Variants in MPHOSPH6 observed in about 807,000 individuals in gnomAD.
The protein encoded by MPHOSPH6 is M-phase phosphoprotein 6.
In MPHOSPH6, 25 loss-of-function variants were observed where a neutral mutation model predicts 21.8. The ratio of observed to expected loss-of-function variants is 1.15; its 90% CI spans 0.83 to 1.60. The LOEUF (loss-of-function observed/expected upper bound fraction) is 1.60. MPHOSPH6 is among the 40% of genes most tolerant of loss of function. The probability of loss-of-function intolerance (pLI) is 0.00; values close to 1 mark genes in which losing one functional copy is unlikely to be tolerated. For synonymous variants in MPHOSPH6, 84 were observed against 56.5 expected (o/e 1.49, Z -2.18); for missense variants, 269 against 181.8 (o/e 1.48, Z -2.76).
At chr16:82,159,566 G>A (rs59938876) in intron 2 of MPHOSPH6, among the ~76,000 whole-genome samples, 2,350 of 152,124 alleles carry the variant, frequency 0.015, 49 homozygotes, top group African/African-American at 0.054. Flanking sequence ...CATCATGCCT[G>A]GCTAATTTTT....
chr16:82,166,309 A>C (rs1451293736), intron 1 of MPHOSPH6, among the ~76,000 whole-genome samples: 1 of 152,230 alleles, frequency 6.6e-6, no homozygotes, highest in Admixed American at 6.5e-5. Flanking sequence ...TCATCCCAGG[A>C]AAGAACTGCA....
At position 82,148,753 on chromosome 16, in the gene MPHOSPH6, ATCT is replaced by A. The variant is rs1906163794; in HGVS notation, c.458_460del (p.Lys153del). On this transcript the variant is annotated inframe_deletion, in exon 5 of 5. Transcript: ENST00000258169. ...ATCTTAATCCTGGGGCTTTAAGAACATCTTCTTTGCTTTAATTGGTGTTATGTC... is the reference window on the plus strand; with the variant it reads ...ATCTTAATCCTGGGGCTTTAAGAACATCTTTGCTTTAATTGGTGTTATGTC... 10 of 1,614,002 alleles carry A rather than the reference ATCT, an allele frequency of 6.2e-6. No individual in the cohort carries two copies. The highest frequency in any genetic ancestry group is 2.7e-5 in the African/African-American group (2 of 74,914).
At position 82,148,631 on chromosome 16, in the gene MPHOSPH6, G is replaced by T; in HGVS notation, c.*100C>A. Reference sequence around the variant, plus strand: ...AATGATAATCTCTTTACAAGTAAACGTTACAGTATTAATAACTATAGAGAC... The same window carrying T: ...AATGATAATCTCTTTACAAGTAAACTTTACAGTATTAATAACTATAGAGAC... On this transcript the variant is annotated 3_prime_UTR_variant, in exon 5 of 5. Transcript: ENST00000258169. 1 of 1,359,362 alleles carries T rather than the reference G, an allele frequency of 7.4e-7. No individual in the cohort carries two copies. The highest frequency in any genetic ancestry group is 9.9e-7 in the Non-Finnish European group (1 of 1,009,088). 84.2% of individuals were successfully genotyped at this position (1,359,362 alleles called of 1,614,324 possible). A position where few individuals can be genotyped will look rare whatever the true frequency, so the allele number is the denominator to read the frequency against.
At chr16:82,166,781 A>G (rs1906795648) in intron 1 of MPHOSPH6, among the ~76,000 whole-genome samples, 1 of 152,200 alleles carries the variant, frequency 6.6e-6, no homozygotes, top group Non-Finnish European at 1.5e-5. Context: ...AAACTCATCA[A>G]TACTGCCCAA....
intron 1 of MPHOSPH6, among the ~76,000 whole-genome samples, chr16:82,167,001 A>G (rs138926071): frequency 7.5e-4 from 114 of 152,330 alleles, no homozygotes; most frequent in African/African-American, 2.2e-3. Context: ...CATCAGCATA[A>G]TACAGTCCTC....
In MPHOSPH6 at chr16:82,160,108, G is replaced by A. The variant is rs563006406; in HGVS notation, c.164+3974C>T. On this transcript the variant is annotated intron_variant, in intron 2 of 4. Coordinates refer to ENST00000258169, the MANE Select transcript of MPHOSPH6 (RefSeq NM_005792.2). ...CTGGCCCCTCAGAGGTTTTTCCCAC[G>A]GGTTTGCATTGACACCGTATCTTTA... Among the ~76,000 whole-genome samples, 26 of 151,022 alleles carry A rather than the reference G, an allele frequency of 1.7e-4. 1 individual carries two copies. Among genetic ancestry groups the A allele is most frequent in the East Asian group, 1.4e-3 (7 of 4,968 alleles).
Position 82,148,707 on chromosome 16 carries a change from G to A in MPHOSPH6, c.*24C>T, listed in dbSNP as rs1906160350. 1.2e-6 allele frequency: 2 copies of A among 1,612,696 alleles called. No homozygotes were observed. Among genetic ancestry groups the A allele is most frequent in the African/African-American group, 2.7e-5 (2 of 74,872 alleles). On this transcript the variant is annotated 3_prime_UTR_variant, in exon 5 of 5. Coordinates refer to ENST00000258169, the MANE Select transcript of MPHOSPH6 (RefSeq NM_005792.2). ...CTGCTGACTTCCACCAAGCACCCCT[G>A]GGCCATCGCTTAAGGCATCCATCTT...
chr16:82,152,264 T>C (rs77889587), intron 2 of MPHOSPH6, among the ~76,000 whole-genome samples: 21,757 of 152,172 alleles, frequency 0.14, 2,261 homozygotes, highest in Admixed American at 0.34. Context: ...GTTACATGGA[T>C]AAGTTCTTTA....
At chr16:82,159,867 G>C (rs1389599693) in intron 2 of MPHOSPH6, among the ~76,000 whole-genome samples, 1 of 152,170 alleles carries the variant, frequency 6.6e-6, no homozygotes, top group Admixed American at 6.5e-5. Flanking sequence ...TTTGGGCACA[G>C]AACTTGCTGT....
chr16:82,153,622 A>G (rs932731662), intron 2 of MPHOSPH6, among the ~76,000 whole-genome samples: 6 of 152,208 alleles, frequency 3.9e-5, no homozygotes, highest in African/African-American at 1.4e-4. Flanking sequence ...AGGGAGCTAC[A>G]CTATGGAATT....
Position 82,149,341 on chromosome 16 carries a change from C to T in MPHOSPH6, c.318G>A (p.Glu106=). 1 of 1,613,404 alleles carries T rather than the reference C, an allele frequency of 6.2e-7. No homozygotes were observed. The highest frequency in any genetic ancestry group is 8.5e-7 in the Non-Finnish European group (1 of 1,180,040). The change falls in exon 4 of 5, where the codon GAG becomes GAA. Residue 106 remains glutamate, a synonymous_variant. Transcript: ENST00000258169. Reference sequence around the variant, plus strand: ...CCATCTCTTCATCTGACACATCAAGCTCTACTGTTTCATCTTCAACTTCTT... The same window carrying T: ...CCATCTCTTCATCTGACACATCAAGTTCTACTGTTTCATCTTCAACTTCTT... The part of the protein sequence containing the change: ...KAEEVEDETV[E]LDVSDEEMAR...
At chr16:82,159,795 G>A (rs1471912937) in intron 2 of MPHOSPH6, among the ~76,000 whole-genome samples, 3 of 152,050 alleles carry the variant, frequency 2.0e-5, no homozygotes, top group Non-Finnish European at 4.4e-5. Context: ...TCTCTCACTG[G>A]CCCTCTAGTC....
chr16:82,164,406 C>A (rs1906699309), intron 1 of MPHOSPH6, among the ~76,000 whole-genome samples: 1 of 152,226 alleles, frequency 6.6e-6, no homozygotes, highest in Non-Finnish European at 1.5e-5. Flanking sequence ...TGAGAAAATG[C>A]ACAATGTATA....
rs1401383088 is a variant in MPHOSPH6, at chr16:82,148,850, C to A, written c.364G>T (p.Val122Leu). 2 of 1,614,086 alleles carry A rather than the reference C, an allele frequency of 1.2e-6. No individual in the cohort carries two copies. The highest frequency in any genetic ancestry group is 1.1e-5 in the South Asian group (1 of 91,076). ...EEMARRYETL[V>L]GTIGKKFARK... is the part of the protein sequence containing the mutation. ...GCAAACTTTTTCCCAATTGTCCCCA[C>A]CAAGGTCTCATATCTGTCAAGAGGA... The change falls in exon 5 of 5, where the codon GTG becomes TTG. Residue 122 changes from valine (V) to leucine (L), a missense_variant. Coordinates refer to ENST00000258169, the MANE Select transcript of MPHOSPH6 (RefSeq NM_005792.2).
intron 2 of MPHOSPH6, among the ~76,000 whole-genome samples, chr16:82,158,702 C>G (rs1906512632): frequency 6.6e-6 from 1 of 152,060 alleles, no homozygotes; most frequent in Non-Finnish European, 1.5e-5. Flanking sequence ...ATAACTGACA[C>G]TATTTACTGC....
At chr16:82,158,855 T>C (rs559713384) in intron 2 of MPHOSPH6, among the ~76,000 whole-genome samples, 6 of 152,374 alleles carry the variant, frequency 3.9e-5, no homozygotes, top group South Asian at 2.1e-4. Context: ...ATTTTTGATA[T>C]TGTATAACAA....
intron 2 of MPHOSPH6, among the ~76,000 whole-genome samples, chr16:82,161,568 C>A (rs890770094): frequency 6.6e-6 from 1 of 152,196 alleles, no homozygotes; most frequent in East Asian, 1.9e-4. Context: ...CCTAGGAATT[C>A]ACACTATATC....
chr16:82,167,141 T>C (rs1906808483), intron 1 of MPHOSPH6, among the ~76,000 whole-genome samples: 1 of 152,218 alleles, frequency 6.6e-6, no homozygotes, highest in African/African-American at 2.4e-5. Context: ...AAAATATTTA[T>C]CATATGGTCC....
chr16:82,166,423 T>C, intron 1 of MPHOSPH6, among the ~76,000 whole-genome samples: 1 of 152,242 alleles, frequency 6.6e-6, no homozygotes, highest in Non-Finnish European at 1.5e-5. Flanking sequence ...AAGCCTACAG[T>C]GTGTGTCCTT....
Sources: gnomAD v4.1 joint callset for allele counts (sites outside exome capture counted in the v4.1 genomes callset) on GRCh38, gnomAD v4.1.1 for gene constraint, MANE v1.5 for transcripts, NCBI Gene and HGNC (gene_info 2026-07-23, HGNC 2026-07-21) for gene names.